The following CCDC171 variants were observed in gnomAD, a reference collection of about 807,000 sequenced individuals.
The protein encoded by CCDC171 is coiled-coil domain containing 171.
Under a neutral mutation model 168.2 loss-of-function variants are expected in CCDC171, and 177 were observed. The ratio of observed to expected loss-of-function variants is 1.05; its 90% confidence interval spans 0.93 to 1.19. The LOEUF (loss-of-function observed/expected upper bound fraction) is 1.19. Among genes scored for constraint, CCDC171 ranks in the 50% most tolerant of loss-of-function variants. The probability of loss-of-function intolerance (pLI) is 0.00; values close to 1 mark genes in which losing one functional copy is unlikely to be tolerated. For missense variants in CCDC171, 1,991 were observed against 1,539.0 expected (o/e 1.29, Z -4.91); for synonymous variants, 687 against 540.8 (o/e 1.27, Z -3.75).
rs201915411 is a variant in CCDC171, at chr9:15,774,697, A to G, written c.2672-2903A>G. On this transcript the variant is annotated intron_variant, in intron 18 of 25. Coordinates refer to ENST00000380701, the MANE Select transcript of CCDC171 (RefSeq NM_173550.4). ...ACAATTTGCAATTGCAAAAGTGCGG[A>G]ACCAGCTCAGATGCCCATCAATCAA... Among the ~76,000 whole-genome samples the G allele has an allele frequency of 4.6e-5, 7 of 152,380 alleles. No homozygotes were observed. The East Asian group carries it at 1.2e-3, about 25-fold the overall frequency.
chr9:16,103,010 C>T, the CCDC171 span, among the ~76,000 whole-genome samples: 2 of 152,340 alleles, frequency 1.3e-5, no homozygotes, highest in South Asian at 2.1e-4. Flanking sequence ...AAACCTCAGC[C>T]GCACAGGTAA....
rs574608457 is a variant in CCDC171, at chr9:15,598,377, TC to T, written c.675+4206del. Among the ~76,000 whole-genome samples, 411 of 152,300 alleles carry T rather than the reference TC, an allele frequency of 2.7e-3. 1 individual carries two copies. The highest frequency in any genetic ancestry group is 4.4e-3 in the Non-Finnish European group (300 of 68,024). ...TTGTTCTCGTTGGTTTCAAAGAACA[TC>T]TTTTTTTCTGCCTTCATTTCATTAT... On this transcript the variant is annotated intron_variant, in intron 6 of 25. Transcript: ENST00000380701.
chr9:15,634,694 A>G (rs775938186), intron 7 of CCDC171, among the ~76,000 whole-genome samples: 11 of 152,314 alleles, frequency 7.2e-5, no homozygotes, highest in East Asian at 5.8e-4. Flanking sequence ...GAAGTGTACA[A>G]TTCAGTGGTT....
At chr9:16,098,189 C>G in the CCDC171 span, among the ~76,000 whole-genome samples, 7 of 152,174 alleles carry the variant, frequency 4.6e-5, no homozygotes, top group African/African-American at 1.7e-4. Context: ...CATCGCTGAG[C>G]CTTTTTTCCC....
At chr9:15,886,665 C>G (rs1225174956) in intron 24 of CCDC171, 1 of 151,862 alleles carries the variant, frequency 6.6e-6, no homozygotes, top group Non-Finnish European at 1.5e-5. Context: ...GTCTACACTT[C>G]CATGTTCATT....
intron 21 of CCDC171, among the ~76,000 whole-genome samples, chr9:15,828,045 T>C (rs1301825570): frequency 6.6e-6 from 1 of 152,194 alleles, no homozygotes; most frequent in African/African-American, 2.4e-5. Flanking sequence ...TAGAAAGGAA[T>C]AAAAGATGAA....
At chr9:15,574,092 C>T (rs2040443356) in intron 3 of CCDC171, among the ~76,000 whole-genome samples, 2 of 151,652 alleles carry the variant, frequency 1.3e-5, no homozygotes, top group South Asian at 2.1e-4. Context: ...GGTTCAACTC[C>T]AGATTTATAT....
intron 21 of CCDC171, among the ~76,000 whole-genome samples, chr9:15,813,902 G>T (rs1418432675): frequency 6.6e-6 from 1 of 152,144 alleles, no homozygotes; most frequent in Non-Finnish European, 1.5e-5. Context: ...ATTTAGTTGA[G>T]TAATAGGATC....
At chr9:15,702,493 C>T (rs900636863) in intron 11 of CCDC171, among the ~76,000 whole-genome samples, 2 of 151,980 alleles carry the variant, frequency 1.3e-5, no homozygotes, top group Non-Finnish European at 2.9e-5. Context: ...CTTAAGGGCC[C>T]TAGGATTTTT....
chr9:15,986,797 A>G (rs2987024), intron 3 of CCDC171, among the ~76,000 whole-genome samples: 75,231 of 151,992 alleles, frequency 0.49, 20,012 homozygotes, highest in African/African-American at 0.7. Context: ...ATTAACACAG[A>G]TTCTATAAGG....
intron 3 of CCDC171, among the ~76,000 whole-genome samples, chr9:16,005,729 A>G (rs1382020795): frequency 6.6e-6 from 1 of 152,172 alleles, no homozygotes; most frequent in Non-Finnish European, 1.5e-5. Context: ...AGTAGGTTAA[A>G]TGCAAATACT....
chr9:15,637,377 C>A (rs1473288635), intron 7 of CCDC171, among the ~76,000 whole-genome samples: 3 of 151,806 alleles, frequency 2.0e-5, no homozygotes, highest in Non-Finnish European at 4.4e-5. Context: ...TACTTAATTT[C>A]CTCAATATCT....
At chr9:16,105,375 C>A in the CCDC171 span, among the ~76,000 whole-genome samples, 4,319 of 152,220 alleles carry the variant, frequency 0.028, 89 homozygotes, top group Non-Finnish European at 0.045. Context: ...GCACACACTC[C>A]CTGTCCACCT....
At chr9:16,002,686 T>C (rs1307582175) in intron 3 of CCDC171, among the ~76,000 whole-genome samples, 1 of 152,238 alleles carries the variant, frequency 6.6e-6, no homozygotes. Context: ...AGTAATGTCC[T>C]AGGGCCTAGG....
At chr9:15,644,995 T>G (rs185771225) in intron 7 of CCDC171, among the ~76,000 whole-genome samples, 1 of 152,324 alleles carries the variant, frequency 6.6e-6, no homozygotes, top group East Asian at 1.9e-4. Flanking sequence ...CATCCCCTAG[T>G]AGGGGCAGAC....
intron 25 of CCDC171, among the ~76,000 whole-genome samples, chr9:15,954,412 C>T (rs947385850): frequency 5.3e-5 from 8 of 151,946 alleles, no homozygotes; most frequent in African/African-American, 1.9e-4. Flanking sequence ...TTCCAGTTTT[C>T]CTCATGATTT....
At chr9:16,059,371 C>G (rs185949666) in intron 1 of CCDC171, among the ~76,000 whole-genome samples, 1 of 152,220 alleles carries the variant, frequency 6.6e-6, no homozygotes, top group East Asian at 1.9e-4. Context: ...GAGGCATCCC[C>G]GGGTGAGAAT....
chr9:15,842,863 A>T (rs998638091), intron 21 of CCDC171, among the ~76,000 whole-genome samples: 5 of 151,866 alleles, frequency 3.3e-5, no homozygotes, highest in Non-Finnish European at 7.4e-5. Flanking sequence ...ACTTAAAATA[A>T]TTTTTGCTGT....
chr9:15,813,470 T>G (rs1318147639), intron 21 of CCDC171, among the ~76,000 whole-genome samples: 1 of 152,194 alleles, frequency 6.6e-6, no homozygotes, highest in East Asian at 1.9e-4. Context: ...TTTTTGGCTA[T>G]AGCATCTAAC....
Sources: allele counts gnomAD v4.1 joint callset (sites outside exome capture counted in the v4.1 genomes callset), GRCh38; gene constraint gnomAD v4.1.1; transcripts MANE v1.5; gene names NCBI Gene and HGNC (gene_info 2026-07-23, HGNC 2026-07-21).